The following RAPGEF6 variants were observed in gnomAD, a reference collection of about 807,000 sequenced individuals.
RAPGEF6 encodes PDZ domain containing guanine nucleotide exchange factor (GEF) 2.
Under a neutral mutation model 171.4 loss-of-function variants are expected in RAPGEF6, and 56 were observed. That is an observed-to-expected ratio of 0.33 (90% CI 0.26 to 0.41). The LOEUF (loss-of-function observed/expected upper bound fraction) is 0.41. Among genes scored for constraint, RAPGEF6 ranks in the 10% least tolerant of loss-of-function variants. The pLI, the probability that RAPGEF6 is intolerant of heterozygous loss-of-function variation, is 1.00. For synonymous variants in RAPGEF6, 692 were observed against 650.1 expected (o/e 1.06, Z -0.98); for missense variants, 1,674 against 1,921.4 (o/e 0.87, Z 2.41).
rs376096619 is a variant in RAPGEF6, at chr5:131,425,886, C to CTTTTTTTTTTTT, written c.*1368_*1379dup. ...GGGTAGTGCACGTTAATGGCTTTGG[C>CTTTTTTTTTTTT]TTTTTTTTTTTTTTTTTTTTTGGTA... On this transcript the variant is annotated 3_prime_UTR_variant, in exon 28 of 28. Coordinates refer to ENST00000509018, the MANE Select transcript of RAPGEF6 (RefSeq NM_016340.6). The CTTTTTTTTTTTT allele has an allele frequency of 5.9e-5, 5 of 84,430 alleles. No individual in the cohort carries two copies. Among genetic ancestry groups the CTTTTTTTTTTTT allele is most frequent in the Non-Finnish European group, 9.1e-5 (4 of 43,970 alleles). 5.2% of individuals were successfully genotyped at this position (84,430 alleles called of 1,614,324 possible).
chr5:131,481,434 G>A (rs892900284), intron 15 of RAPGEF6, among the ~76,000 whole-genome samples: 8 of 150,744 alleles, frequency 5.3e-5, no homozygotes, highest in African/African-American at 2.0e-4. Flanking sequence ...TCGACATGTT[G>A]CCCAGGAATG....
intron 19 of RAPGEF6, among the ~76,000 whole-genome samples, chr5:131,459,957 GT>G (rs1388731630): frequency 6.6e-6 from 1 of 152,054 alleles, no homozygotes; most frequent in Non-Finnish European, 1.5e-5. Flanking sequence ...ATTATAAAAA[GT>G]TGTTAATTAT....
intron 1 of RAPGEF6, 64 bp downstream of exon 1, chr5:131,634,898 C>A (rs1011875638): frequency 1.3e-6 from 2 of 1,584,134 alleles, no homozygotes; most frequent in African/African-American, 2.7e-5. Flanking sequence ...CCGCGGATTT[C>A]GGACAGACAG....
At chr5:131,613,969 T>C (rs1289344336) in intron 1 of RAPGEF6, among the ~76,000 whole-genome samples, 1 of 151,412 alleles carries the variant, frequency 6.6e-6, no homozygotes, top group Non-Finnish European at 1.5e-5. Context: ...GTTGTATTAG[T>C]CCATTCTCAC....
chr5:131,533,782 G>A (rs1418544906), intron 6 of RAPGEF6, among the ~76,000 whole-genome samples: 1 of 152,016 alleles, frequency 6.6e-6, no homozygotes, highest in African/African-American at 2.4e-5. Flanking sequence ...AAAAAGACAA[G>A]AAGCCAGCAA....
intron 7 of RAPGEF6, among the ~76,000 whole-genome samples, chr5:131,517,989 GTCC>G (rs1758210698): frequency 6.7e-6 from 1 of 148,286 alleles, no homozygotes; most frequent in African/African-American, 2.5e-5. Flanking sequence ...ATCTATTTAC[GTCC>G]TCCTTAATAT....
chr5:131,441,621 A>G (rs1331530333), intron 23 of RAPGEF6, among the ~76,000 whole-genome samples: 13 of 152,236 alleles, frequency 8.5e-5, no homozygotes, highest in African/African-American at 3.1e-4. Flanking sequence ...AGAAGAAGAC[A>G]CATTATATTG....
At chr5:131,546,429 C>A (rs1279328046) in intron 6 of RAPGEF6, among the ~76,000 whole-genome samples, 1 of 151,940 alleles carries the variant, frequency 6.6e-6, no homozygotes, top group Non-Finnish European at 1.5e-5. Flanking sequence ...ATGGTGAAAA[C>A]CAGTCTCTAC....
rs145680155 is a variant in RAPGEF6 at position 131,543,261 on chromosome 5, T to A, written c.495+4786A>T. ...AGGATGTAGAAAGCAGGGCTAGCGATAGGGCAACAAGTTCAGAGAGAAGAT... is the reference window on the plus strand; with the variant it reads ...AGGATGTAGAAAGCAGGGCTAGCGAAAGGGCAACAAGTTCAGAGAGAAGAT... On this transcript the variant is annotated intron_variant, in intron 6 of 27. Coordinates refer to ENST00000509018, the MANE Select transcript of RAPGEF6 (RefSeq NM_016340.6). Among the ~76,000 whole-genome samples, 3 of 152,254 alleles carry A rather than the reference T, an allele frequency of 2.0e-5. No individual in the cohort carries two copies. In the East Asian group the frequency reaches 5.8e-4, roughly 29 times the overall value.
At chr5:131,480,026 G>C (rs939682706) in intron 15 of RAPGEF6, among the ~76,000 whole-genome samples, 1 of 151,836 alleles carries the variant, frequency 6.6e-6, no homozygotes, top group East Asian at 1.9e-4. Context: ...CAGGCTGCAG[G>C]CAAGTTTGAA....
Position 131,464,444 on chromosome 5 carries a change from C to A in RAPGEF6, c.2240-163G>T. The A allele has an allele frequency of 1.3e-5, 6 of 465,044 alleles. No homozygotes were observed. In the South Asian group the frequency reaches 1.4e-4, roughly 11 times the overall value. 28.8% of individuals were successfully genotyped at this position (465,044 alleles called of 1,614,324 possible). The stretch of plus-strand genomic sequence containing the variant: ...TGTTGCATTTATTGATAAATATATC[C>A]TTTTTTTTTTTTCAGATAACAAATC... On this transcript the variant is annotated intron_variant, in intron 17 of 27. Transcript: ENST00000509018.
At chr5:131,440,792 T>C (rs912041163) in intron 23 of RAPGEF6, among the ~76,000 whole-genome samples, 3 of 143,222 alleles carry the variant, frequency 2.1e-5, no homozygotes, top group South Asian at 2.3e-4. Context: ...GTATAAGTAA[T>C]GCTTCCTCTC....
At chr5:131,521,891 A>ACACACACACTCT (rs1250904540) in intron 6 of RAPGEF6, among the ~76,000 whole-genome samples, 22 of 123,652 alleles carry the variant, frequency 1.8e-4, no homozygotes, top group African/African-American at 5.6e-4. Flanking sequence ...ACACACACAC[A>ACACACACACTCT]CTCTCTCTCT....
At chr5:131,565,043 A>C (rs1394804074) in intron 4 of RAPGEF6, among the ~76,000 whole-genome samples, 1 of 152,132 alleles carries the variant, frequency 6.6e-6, no homozygotes, top group Non-Finnish European at 1.5e-5. Flanking sequence ...TATTTTGATC[A>C]TCCTTTCTGA....
intron 21 of RAPGEF6, among the ~76,000 whole-genome samples, chr5:131,447,589 T>C (rs1021202503): frequency 3.9e-5 from 6 of 152,286 alleles, no homozygotes; most frequent in Admixed American, 1.3e-4. Context: ...AAAATTCTTA[T>C]ATAATTTTTA....
intron 12 of RAPGEF6, 116 bp downstream of exon 12, chr5:131,498,326 AT>A: frequency 1.1e-5 from 10 of 942,626 alleles, no homozygotes; most frequent in Non-Finnish European, 1.4e-5. Flanking sequence ...AGGTTCATTA[AT>A]TTTTTTAGGT....
chr5:131,467,326 C>T (rs537862322), intron 17 of RAPGEF6, among the ~76,000 whole-genome samples: 1 of 152,302 alleles, frequency 6.6e-6, no homozygotes, highest in South Asian at 2.1e-4. Flanking sequence ...GCCTTTAGAA[C>T]AGATTCATAA....
intron 6 of RAPGEF6, among the ~76,000 whole-genome samples, chr5:131,529,296 T>C (rs536692804): frequency 6.1e-4 from 91 of 150,050 alleles, no homozygotes; most frequent in South Asian, 4.2e-3. Flanking sequence ...GCCAACATGG[T>C]GAAACTCCAC....
chr5:131,543,528 A>C (rs1760295544), intron 6 of RAPGEF6, among the ~76,000 whole-genome samples: 1 of 152,190 alleles, frequency 6.6e-6, no homozygotes, highest in African/African-American at 2.4e-5. Context: ...GAAACATGTG[A>C]AAGGAAGAAT....
Sources: gnomAD v4.1 joint callset for allele counts (sites outside exome capture counted in the v4.1 genomes callset) on GRCh38, gnomAD v4.1.1 for gene constraint, MANE v1.5 for transcripts, NCBI Gene and HGNC (gene_info 2026-07-23, HGNC 2026-07-21) for gene names.